CALN1: variants seen among roughly 807,000 people sequenced by gnomAD.
CALN1 encodes the protein calcium-binding protein 8.
In CALN1, 17 loss-of-function variants were observed where a neutral mutation model predicts 30.6. That is an observed-to-expected ratio of 0.56 (90% CI 0.38 to 0.83). CALN1 has a LOEUF of 0.83. Ranked by LOEUF, CALN1 falls within the 40% of genes least tolerant of loss-of-function variation. The pLI, the probability that CALN1 is intolerant of heterozygous loss-of-function variation, is 0.00. For synonymous variants in CALN1, 156 were observed against 131.4 expected (o/e 1.19, Z -1.28); for missense variants, 291 against 354.9 (o/e 0.82, Z 1.45).
Position 71,898,235 on chromosome 7 carries a change from C to T in CALN1, c.502-87743G>A, listed in dbSNP as rs547707634. Among the ~76,000 whole-genome samples, 87 of 152,228 alleles carry T rather than the reference C, an allele frequency of 5.7e-4. No individual in the cohort carries two copies. In the Middle Eastern group the frequency reaches 0.01, roughly 18 times the overall value. On this transcript the variant is annotated intron_variant, in intron 5 of 6. Transcript: ENST00000395275. The stretch of plus-strand genomic sequence containing the variant: ...GTCCCAGCTACTCAGGAGCCTGAGA[C>T]AGTAGAATCGCTTGAACCCAGGAGG...
intron 4 of CALN1, among the ~76,000 whole-genome samples, chr7:72,062,511 C>CAAAAAAAAAAAAAAAAAAAAAAA (rs376093442): frequency 2.9e-4 from 17 of 59,290 alleles, no homozygotes; most frequent in East Asian, 8.2e-4. Flanking sequence ...GACTCTATCT[C>CAAAAAAAAAAAAAAAAAAAAAAA]AAAAAAAAAA....
At chr7:72,258,554 G>C (rs1441907090) in intron 3 of CALN1, among the ~76,000 whole-genome samples, 1 of 152,184 alleles carries the variant, frequency 6.6e-6, no homozygotes, top group African/African-American at 2.4e-5. Flanking sequence ...TCATCTTTCT[G>C]ATACGGGATT....
At chr7:72,061,105 T>C (rs1350750198) in intron 4 of CALN1, among the ~76,000 whole-genome samples, 1 of 152,092 alleles carries the variant, frequency 6.6e-6, no homozygotes, top group Non-Finnish European at 1.5e-5. Context: ...AGAAAGCTGG[T>C]CAGAATTTTC....
chr7:72,250,019 C>T (rs573549563), intron 3 of CALN1, among the ~76,000 whole-genome samples: 15 of 151,786 alleles, frequency 9.9e-5, no homozygotes, highest in Non-Finnish European at 1.5e-4. Context: ...CTGCTAAGAC[C>T]GCTCCTTTAA....
the CALN1 span, among the ~76,000 whole-genome samples, chr7:72,480,088 C>T: frequency 6.6e-6 from 1 of 152,154 alleles, no homozygotes; most frequent in Non-Finnish European, 1.5e-5. Flanking sequence ...CCTTCCAGTA[C>T]GGATGCCTTT....
chr7:72,021,227 G>T (rs1305844026), intron 5 of CALN1, among the ~76,000 whole-genome samples: 1 of 152,048 alleles, frequency 6.6e-6, no homozygotes, highest in African/African-American at 2.4e-5. Context: ...GTGAGCTATG[G>T]TTGCATCACT....
intron 3 of CALN1, among the ~76,000 whole-genome samples, chr7:72,272,162 G>A (rs112509459): frequency 2.0e-5 from 3 of 152,162 alleles, no homozygotes; most frequent in African/African-American, 4.8e-5. Context: ...AGTGACACTG[G>A]TCAACTACTA....
At chr7:72,182,974 T>C (rs1789925548) in intron 3 of CALN1, among the ~76,000 whole-genome samples, 1 of 152,104 alleles carries the variant, frequency 6.6e-6, no homozygotes, top group Admixed American at 6.6e-5. Flanking sequence ...AGTCTACGTG[T>C]GGTCAACACC....
the CALN1 span, among the ~76,000 whole-genome samples, chr7:72,466,606 G>A: frequency 6.6e-6 from 1 of 152,132 alleles, no homozygotes; most frequent in Non-Finnish European, 1.5e-5. Flanking sequence ...TAGCCGGAGT[G>A]GTGGTGGGCA....
chr7:71,943,030 T>C (rs955214969), intron 5 of CALN1, among the ~76,000 whole-genome samples: 1 of 152,214 alleles, frequency 6.6e-6, no homozygotes, highest in Non-Finnish European at 1.5e-5. Flanking sequence ...ACCGAACCAA[T>C]GTACTTCTTA....
At chr7:72,243,522 T>C (rs1244285674) in intron 3 of CALN1, among the ~76,000 whole-genome samples, 1 of 152,122 alleles carries the variant, frequency 6.6e-6, no homozygotes, top group Non-Finnish European at 1.5e-5. Flanking sequence ...CATCCGGGGA[T>C]GCAGTGTTGG....
chr7:72,491,041 G>C, the CALN1 span, among the ~76,000 whole-genome samples: 1,375 of 152,054 alleles, frequency 9.0e-3, 20 homozygotes, highest in African/African-American at 0.031. Context: ...TCAGGAGATC[G>C]AGACCATCCT....
At chr7:71,807,637 T>A (rs1039657581) in intron 6 of CALN1, among the ~76,000 whole-genome samples, 5 of 152,088 alleles carry the variant, frequency 3.3e-5, no homozygotes, top group Non-Finnish European at 5.9e-5. Flanking sequence ...AGATAATGAA[T>A]TTTAAACCAC....
intron 3 of CALN1, among the ~76,000 whole-genome samples, chr7:72,238,255 C>CT (rs1268573566): frequency 3.3e-5 from 5 of 151,854 alleles, no homozygotes; most frequent in African/African-American, 1.2e-4. Flanking sequence ...CCATTTTTTT[C>CT]TTTGATTTTT....
Position 72,252,319 on chromosome 7 carries a change from T to C in CALN1, c.244+26367A>G, listed in dbSNP as rs373629799. ...ACCTTTGAAATAGATCCAGAATCTG[T>C]CCAGGCACAGTGACTCACATCTATA... On this transcript the variant is annotated intron_variant, in intron 3 of 6. Coordinates refer to ENST00000395275, the MANE Select transcript of CALN1 (RefSeq NM_031468.4). Among the ~76,000 whole-genome samples the C allele has an allele frequency of 1.8e-4, 27 of 152,144 alleles. 1 individual carries two copies. In the South Asian group the frequency reaches 5.6e-3, roughly 32 times the overall value.
At chr7:72,261,651 T>C (rs1431816200) in intron 3 of CALN1, among the ~76,000 whole-genome samples, 3 of 152,094 alleles carry the variant, frequency 2.0e-5, no homozygotes, top group African/African-American at 7.2e-5. Context: ...AAGTCTCAAA[T>C]TCCTGGGCTC....
At position 71,784,355 on chromosome 7, in the gene CALN1, T is replaced by C. The variant is rs1346576630; in HGVS notation, c.*3420A>G. 6.5e-6 allele frequency: 1 copy of C among 153,394 alleles called. No individual in the cohort carries two copies. Among genetic ancestry groups the C allele is most frequent in the Non-Finnish European group, 1.5e-5 (1 of 68,932 alleles). 9.5% of individuals were successfully genotyped at this position (153,394 alleles called of 1,614,324 possible). On this transcript the variant is annotated 3_prime_UTR_variant, in exon 7 of 7. Transcript: ENST00000395275. Reference sequence around the variant, plus strand: ...ACTCAGGCTGAATTGGAGTGTTCTTTAAGAAAATGTTCCCTATTTTTGTGT... The same window carrying C: ...ACTCAGGCTGAATTGGAGTGTTCTTCAAGAAAATGTTCCCTATTTTTGTGT...
At chr7:72,408,583 A>G (rs926575235) in intron 1 of CALN1, among the ~76,000 whole-genome samples, 3 of 151,770 alleles carry the variant, frequency 2.0e-5, no homozygotes, top group Non-Finnish European at 4.4e-5. Flanking sequence ...TTTTGTATAA[A>G]TTCATGGGAT....
At chr7:71,813,503 A>C (rs372884931) in intron 5 of CALN1, among the ~76,000 whole-genome samples, 1 of 152,370 alleles carries the variant, frequency 6.6e-6, no homozygotes, top group African/African-American at 2.4e-5. Context: ...GTATGTCTCA[A>C]AAATAATTGT....
Sources: allele counts gnomAD v4.1 joint callset (sites outside exome capture counted in the v4.1 genomes callset), GRCh38; gene constraint gnomAD v4.1.1; transcripts MANE v1.5; gene names NCBI Gene and HGNC (gene_info 2026-07-23, HGNC 2026-07-21).